Variants in ENTPD6 observed in about 807,000 individuals in gnomAD.
ENTPD6 encodes ectonucleoside triphosphate diphosphohydrolase 6.
In ENTPD6, 46 loss-of-function variants were observed where a neutral mutation model predicts 61.5. That is an observed-to-expected ratio of 0.75 (90% CI 0.59 to 0.96). The LOEUF (loss-of-function observed/expected upper bound fraction) is 0.96, where lower values mean the gene tolerates loss of function less well. Ranked by LOEUF, ENTPD6 falls within the 40% of genes least tolerant of loss-of-function variation. The probability of loss-of-function intolerance (pLI) is 0.00; values close to 1 mark genes in which losing one functional copy is unlikely to be tolerated. For synonymous variants in ENTPD6, 252 were observed against 255.5 expected, an observed-to-expected ratio of 0.99 and a Z score of 0.13; for missense variants, 612 against 629.0, an observed-to-expected ratio of 0.97 and a Z score of 0.29.
intron 13 of ENTPD6, chr20:25,224,983 G>C: frequency 1.6e-6 from 1 of 617,848 alleles, no homozygotes; most frequent in Non-Finnish European, 2.8e-6. Flanking sequence ...AACACCAGGC[G>C]TGCAAATCCC....
At chr20:25,221,433 C>A in intron 11 of ENTPD6, 100 bp downstream of exon 11, 1 of 867,220 alleles carries the variant, frequency 1.2e-6, no homozygotes, top group Non-Finnish European at 1.9e-6. Context: ...CCACGGGAGG[C>A]TCCTGACCTC....
chr20:25,214,895 T>C lies in ENTPD6; in HGVS notation c.626T>C (p.Phe209Ser). 2 of 1,604,364 alleles carry C rather than the reference T, an allele frequency of 1.2e-6. No individual in the cohort carries two copies. The highest frequency in any genetic ancestry group is 1.7e-6 in the Non-Finnish European group (2 of 1,171,116). Residue 209 changes from phenylalanine (F) to serine (S), a missense_variant, in exon 6 of 15, where the codon TTC becomes TCC. By Grantham distance (155) the Phe-to-Ser change is radical. Coordinates refer to ENST00000376652, the MANE Select transcript of ENTPD6 (RefSeq NM_001247.5). ...AAAAAAGTATTTAAAGCATCGCCTT[T>C]CCTTGTAGGGGATGACTGTGTTTCC... ...KVKKVFKASP[F>S]LVGDDCVSIM...
chr20:25,209,872 A>G lies in ENTPD6; in HGVS notation c.400A>G (p.Thr134Ala), dbSNP rs2122846720. Reference sequence around the variant, plus strand: ...AGAAACTCCCACGTTAACCCACGAAACCTTCAAAGCACTGAAGCCAGGTCT... The same window carrying G: ...AGAAACTCCCACGTTAACCCACGAAGCCTTCAAAGCACTGAAGCCAGGTCT... ...PRETPTLTHE[T>A]FKALKPGLSA... The change falls in exon 4 of 15, where the codon ACC (threonine) becomes GCC (alanine). Residue 134 changes from threonine to alanine, a missense_variant. Physicochemically the swap from Thr to Ala is moderately conservative, Grantham distance 58. Transcript: ENST00000376652. The G allele has an allele frequency of 6.2e-7, 1 of 1,614,176 alleles. No individual in the cohort carries two copies. Among genetic ancestry groups the G allele is most frequent in the Non-Finnish European group, 8.5e-7 (1 of 1,180,008 alleles).
At chr20:25,212,361 C>G (rs545115994) in intron 4 of ENTPD6, among the ~76,000 whole-genome samples, 4 of 152,174 alleles carry the variant, frequency 2.6e-5, no homozygotes, top group Non-Finnish European at 4.4e-5. Flanking sequence ...GGAGCTGAGG[C>G]GCACCTGAGA....
At chr20:25,215,849 A>G in intron 7 of ENTPD6, 138 bp downstream of exon 7, 1 of 924,578 alleles carries the variant, frequency 1.1e-6, no homozygotes, top group Non-Finnish European at 1.7e-6. Context: ...CTGACTGACC[A>G]TAGGGTGTTG....
rs140279087 is a variant in ENTPD6, at chr20:25,222,976, T to A, written c.1184T>A (p.Ile395Lys). The A allele has an allele frequency of 1.2e-6, 2 of 1,610,050 alleles. No individual in the cohort carries two copies. The highest frequency in any genetic ancestry group is 1.7e-6 in the Non-Finnish European group (2 of 1,178,762). Residue 395 changes from isoleucine (I) to lysine (K), a missense_variant and splice_region_variant, in exon 12 of 15, where the codon ATA (isoleucine) becomes AAA (lysine). Physicochemically the swap from Ile to Lys is moderately radical, Grantham distance 102. Coordinates refer to ENST00000376652, the MANE Select transcript of ENTPD6 (RefSeq NM_001247.5). ...YYDLAAGVGL[I>K]DAEKGGSLVV... Reference sequence around the variant, plus strand: ...GACCTTGCAGCTGGTGTGGGCCTCATAGGTAAGGGGGCCCGGATGGGCTGA... The same window carrying A: ...GACCTTGCAGCTGGTGTGGGCCTCAAAGGTAAGGGGGCCCGGATGGGCTGA...
At chr20:25,218,949 C>G (rs886960101) in intron 10 of ENTPD6, among the ~76,000 whole-genome samples, 3 of 152,200 alleles carry the variant, frequency 2.0e-5, no homozygotes, top group Non-Finnish European at 4.4e-5. Flanking sequence ...TAGCATGATC[C>G]CAGCTCACTG....
At chr20:25,224,950 G>T in intron 13 of ENTPD6, 1 of 546,388 alleles carries the variant, frequency 1.8e-6, no homozygotes, top group Non-Finnish European at 3.2e-6. Context: ...AATGTGGCTT[G>T]GGAGACATTG....
chr20:25,216,732 TGGA>T lies in ENTPD6; in HGVS notation c.797_798+1del, dbSNP rs2092336069. The T allele has an allele frequency of 1.9e-6, 3 of 1,585,612 alleles. No homozygotes were observed. The highest frequency in any genetic ancestry group is 2.6e-6 in the Non-Finnish European group (3 of 1,165,380). The stretch of plus-strand genomic sequence containing the variant: ...ACTCAGATCGCCTTCCTGCCACGCG[TGGA>T]GGTAACAAGCCCTGCCGACCACAGC... On this transcript the variant is annotated inframe_deletion and splice_region_variant, in exon 8 of 15. Transcript: ENST00000376652.
At chr20:25,201,335 T>A (rs1051454286) in intron 1 of ENTPD6, among the ~76,000 whole-genome samples, 2 of 152,228 alleles carry the variant, frequency 1.3e-5, no homozygotes, top group African/African-American at 4.8e-5. Context: ...TGTCCATTAT[T>A]CAAAGTGGGA....
At chr20:25,218,466 C>A (rs1332891002) in intron 9 of ENTPD6, 84 bp from the exon 10 acceptor site, 40 of 1,285,252 alleles carry the variant, frequency 3.1e-5, no homozygotes, top group African/African-American at 5.9e-5. Flanking sequence ...CCCCCTTCCC[C>A]ACTCGGGCTG....
chr20:25,210,067 G>A (rs2091850957), intron 4 of ENTPD6, 142 bp downstream of exon 4: 1 of 799,464 alleles, frequency 1.3e-6, no homozygotes, highest in East Asian at 2.5e-5. Context: ...ATTTGGGATG[G>A]TCAGAAGAGA....
intron 1 of ENTPD6, 136 bp downstream of exon 1, chr20:25,196,003 C>G: frequency 1.2e-6 from 1 of 853,654 alleles, no homozygotes. Flanking sequence ...CTCCTGCTGC[C>G]TTCCTGTCCA....
rs1398069033 is a variant in ENTPD6, at chr20:25,207,372, CT to C, written c.353del (p.Phe118SerfsTer13). 1.9e-6 allele frequency: 3 copies of C among 1,539,806 alleles called. No individual in the cohort carries two copies. In the African/African-American group the frequency reaches 4.1e-5, roughly 21 times the overall value. On this transcript the variant is annotated frameshift_variant, in exon 3 of 15. Coordinates refer to ENST00000376652, the MANE Select transcript of ENTPD6 (RefSeq NM_001247.5). LOFTEE classifies it high-confidence loss of function. The part of the protein sequence containing the change: ...AGSTGTRVHV[F>X]QFTRPPRETP... ...GAAGCACTGGCACCCGAGTACACGT[CT>C]TCCAGTTCACCCGGCCCCCCAGAGG...
intron 1 of ENTPD6, among the ~76,000 whole-genome samples, chr20:25,198,441 C>T (rs1189985873): frequency 6.6e-6 from 1 of 151,822 alleles, no homozygotes; most frequent in Non-Finnish European, 1.5e-5. Flanking sequence ...TGCTACTTCA[C>T]TCCAGCCTAG....
chr20:25,196,087 G>C (rs1217712566), intron 1 of ENTPD6: 1 of 1,056,904 alleles, frequency 9.5e-7, no homozygotes, highest in Non-Finnish European at 1.2e-6. Context: ...TTGGGCCACA[G>C]GGCGGGCCAA....
In ENTPD6 at chr20:25,222,958, C is replaced by T. The variant is rs376104648; in HGVS notation, c.1166C>T (p.Ala389Val). The change falls in exon 12 of 15, where the codon GCA becomes GTA. Residue 389 changes from alanine (A) to valine (V), a missense_variant. Transcript: ENST00000376652. ...GCTTTCTCCTACTATTACGACCTTG[C>T]AGCTGGTGTGGGCCTCATAGGTAAG... ...FYAFSYYYDL[A>V]AGVGLIDAEK... is the part of the protein sequence containing the mutation. 1.9e-6 allele frequency: 3 copies of T among 1,613,034 alleles called. No homozygotes were observed. The highest frequency in any genetic ancestry group is 1.1e-5 in the South Asian group (1 of 91,062).
chr20:25,195,897 G>A (rs757490128), intron 1 of ENTPD6, 30 bp downstream of exon 1: 2 of 1,231,134 alleles, frequency 1.6e-6, no homozygotes, highest in South Asian at 4.1e-5. Context: ...GCTGGCGGGG[G>A]CGGCCGGGGA....
At position 25,225,517 on chromosome 20, in the gene ENTPD6, A is replaced by G. The variant is rs199921670; in HGVS notation, c.1375A>G (p.Asn459Asp). 4.3e-6 allele frequency: 7 copies of G among 1,613,952 alleles called. No homozygotes were observed. The highest frequency in any genetic ancestry group is 2.2e-5 in the East Asian group (1 of 44,858). The change falls in exon 15 of 15, where the codon AAT becomes GAT. Residue 459 changes from asparagine to aspartate, a missense_variant. Transcript: ENST00000376652. ...KVLKLTRKID[N>D]VETSWALGAI... The stretch of plus-strand genomic sequence containing the variant: ...TTTCAAGCTCACTCGGAAAATTGAC[A>G]ATGTTGAGACCAGCTGGGCTCTGGG...
Sources: allele counts gnomAD v4.1 joint callset (sites outside exome capture counted in the v4.1 genomes callset), GRCh38; gene constraint gnomAD v4.1.1; transcripts MANE v1.5; gene names NCBI Gene and HGNC (gene_info 2026-07-23, HGNC 2026-07-21).